ATRX: variants seen among roughly 807,000 people sequenced by gnomAD.
The protein encoded by ATRX is chromatin remodeler ATRX.
In ATRX, 12 loss-of-function variants were observed where a neutral mutation model predicts 172.6. The ratio of observed to expected loss-of-function variants is 0.07; its 90% CI spans 0.04 to 0.11. The LOEUF (loss-of-function observed/expected upper bound fraction) is 0.11, where lower values mean the gene tolerates loss of function less well. Among genes scored for constraint, ATRX ranks in the 10% least tolerant of loss-of-function variants. The pLI is 1.00. For synonymous variants in ATRX, 674 were observed against 594.7 expected (o/e 1.13, Z -1.94); for missense variants, 1,368 against 1,767.4 (o/e 0.77, Z 4.05).
chrX:77,624,030 A>G (rs1364997681), intron 19 of ATRX, among the ~76,000 whole-genome samples: 1 of 111,701 alleles, frequency 9.0e-6, no homozygotes, highest in Non-Finnish European at 1.9e-5. Context: ...CCTCTTCAAC[A>G]TAGTACTGGA....
intron 30 of ATRX, among the ~76,000 whole-genome samples, chrX:77,556,260 AG>A (rs2064787654): frequency 1.5e-4 from 5 of 34,453 alleles, no homozygotes; most frequent in African/African-American, 6.3e-4. Flanking sequence ...AGAGGGAGAG[AG>A]GGAGAGAGGG....
intron 30 of ATRX, among the ~76,000 whole-genome samples, chrX:77,529,716 C>T (rs1195460373): frequency 8.9e-6 from 1 of 111,817 alleles, no homozygotes; most frequent in African/African-American, 3.3e-5. Context: ...CTGAAGTACA[C>T]AGTCCAGTGA....
intron 34 of ATRX, among the ~76,000 whole-genome samples, chrX:77,512,012 C>A (rs782452559): frequency 1.9e-4 from 21 of 111,653 alleles, no homozygotes; most frequent in Non-Finnish European, 4.0e-4. Flanking sequence ...ATGAAGACTA[C>A]CTCCTACCAT....
intron 1 of ATRX, among the ~76,000 whole-genome samples, chrX:77,738,241 G>C (rs1487046584): frequency 9.3e-6 from 1 of 107,660 alleles, no homozygotes; most frequent in African/African-American, 3.4e-5. Flanking sequence ...AGGCTGAGGT[G>C]GGAAGATTGC....
At chrX:77,733,052 T>C (rs1248434393) in intron 1 of ATRX, among the ~76,000 whole-genome samples, 1 of 112,020 alleles carries the variant, frequency 8.9e-6, no homozygotes, top group Non-Finnish European at 1.9e-5. Flanking sequence ...ATAAACAAAT[T>C]CAGTAAACTG....
At chrX:77,695,835 T>A (rs1557149541) in intron 5 of ATRX, among the ~76,000 whole-genome samples, 1 of 111,688 alleles carries the variant, frequency 9.0e-6, no homozygotes, top group Non-Finnish European at 1.9e-5. Flanking sequence ...AGCACTGCTG[T>A]AAAAGATCTA....
At chrX:77,509,840 T>C (rs782398549) in intron 34 of ATRX, among the ~76,000 whole-genome samples, 1 of 98,976 alleles carries the variant, frequency 1.0e-5, no homozygotes, top group African/African-American at 3.8e-5. Context: ...TAAATAAACC[T>C]GAAAGGCAAT....
intron 28 of ATRX, among the ~76,000 whole-genome samples, chrX:77,560,754 AAT>A (rs1460647786): frequency 9.0e-6 from 1 of 111,619 alleles, no homozygotes; most frequent in Non-Finnish European, 1.9e-5. Context: ...GTATAAAATA[AAT>A]AGAGATACTA....
At chrX:77,773,597 T>TA (rs1197848464) in intron 1 of ATRX, among the ~76,000 whole-genome samples, 5 of 109,446 alleles carry the variant, frequency 4.6e-5, no homozygotes, top group Non-Finnish European at 9.5e-5. Flanking sequence ...ACTAAAAATA[T>TA]AAAAATTAGC....
rs1244872088 is a variant in ATRX at position 77,536,864 on chromosome X, C to A, written c.6700-13463G>T. ...TTACACACACACACACGCACGTGCA[C>A]ACACACCAAAAAAAGGTGGTAACTT... On this transcript the variant is annotated intron_variant, in intron 30 of 34. Transcript: ENST00000373344. Among the ~76,000 whole-genome samples the A allele has an allele frequency of 2.7e-5, 3 of 111,327 alleles. No individual in the cohort carries two copies. The Admixed American group carries it at 2.9e-4, about 11-fold the overall frequency.
chrX:77,777,593 A>C (rs1275277990), intron 1 of ATRX, among the ~76,000 whole-genome samples: 4 of 111,570 alleles, frequency 3.6e-5, no homozygotes, highest in Non-Finnish European at 7.5e-5. Context: ...CAAAACAAGC[A>C]TTATAGCAAA....
intron 2 of ATRX, among the ~76,000 whole-genome samples, chrX:77,700,262 G>C (rs1349110886): frequency 8.9e-6 from 1 of 111,850 alleles, no homozygotes; most frequent in Admixed American, 9.5e-5. Context: ...CATGTCATTA[G>C]GGAATTGCAA....
Position 77,683,142 on chromosome X carries a change from T to C in ATRX, c.2114A>G (p.Asp705Gly), listed in dbSNP as rs781804632. 1.9e-5 allele frequency: 23 copies of C among 1,209,018 alleles called. No individual in the cohort carries two copies. In the South Asian group the frequency reaches 3.9e-4, roughly 20 times the overall value. ...VRKKDKRNSSDSAIDNPKPNK... is the reference protein window; with the variant it reads ...VRKKDKRNSSGSAIDNPKPNK... ...AGGCTTAGGATTATCTATAGCACTGTCAGAAGAATTACGCTTATCCTTTTT... is the reference window on the plus strand; with the variant it reads ...AGGCTTAGGATTATCTATAGCACTGCCAGAAGAATTACGCTTATCCTTTTT... The change falls in exon 9 of 35, where the codon GAC (aspartate) becomes GGC (glycine). Residue 705 changes from aspartate (D) to glycine (G), a missense_variant. Physicochemically the swap from Asp to Gly is moderately conservative, Grantham distance 94. Coordinates refer to ENST00000373344, the MANE Select transcript of ATRX (RefSeq NM_000489.6).
intron 1 of ATRX, among the ~76,000 whole-genome samples, chrX:77,779,343 T>C (rs1313607829): frequency 8.2e-5 from 9 of 110,152 alleles, no homozygotes; most frequent in African/African-American, 2.6e-4. Flanking sequence ...GCAGCATTTA[T>C]CACTTTATAT....
intron 27 of ATRX, among the ~76,000 whole-genome samples, chrX:77,576,914 A>C (rs1331095018): frequency 8.9e-6 from 1 of 111,975 alleles, no homozygotes; most frequent in Non-Finnish European, 1.9e-5. Context: ...TATTGTCTTC[A>C]AGATTCATAC....
chrX:77,724,643 T>A (rs1603277700), intron 1 of ATRX, among the ~76,000 whole-genome samples: 2 of 111,545 alleles, frequency 1.8e-5, no homozygotes, highest in East Asian at 5.7e-4. Context: ...TAAAACTAAT[T>A]TTTTGCCCAA....
At chrX:77,531,448 C>T (rs2063572528) in intron 30 of ATRX, among the ~76,000 whole-genome samples, 2 of 112,075 alleles carry the variant, frequency 1.8e-5, no homozygotes, top group Non-Finnish European at 3.8e-5. Context: ...AAGATGGCGT[C>T]ATCCCTGGAA....
At chrX:77,702,617 T>C (rs782009528) in intron 2 of ATRX, among the ~76,000 whole-genome samples, 3 of 110,319 alleles carry the variant, frequency 2.7e-5, no homozygotes, top group Non-Finnish European at 5.7e-5. Context: ...AGGAAATAAT[T>C]TGAAAAAAAA....
intron 27 of ATRX, among the ~76,000 whole-genome samples, chrX:77,588,840 TAAAG>T (rs1388424241): frequency 3.6e-5 from 4 of 111,325 alleles, no homozygotes; most frequent in African/African-American, 1.3e-4. Context: ...CCAAAGAAGA[TAAAG>T]AAATAGTCAA....
Sources: allele counts gnomAD v4.1 joint callset (sites outside exome capture counted in the v4.1 genomes callset), GRCh38; gene constraint gnomAD v4.1.1; transcripts MANE v1.5; gene names NCBI Gene and HGNC (gene_info 2026-07-23, HGNC 2026-07-21).